Variants in COL11A1 observed in about 807,000 individuals in gnomAD.
COL11A1 encodes the protein collagen type XI alpha 1 chain, also known as collagen alpha-1(XI) chain.
In COL11A1, 74 loss-of-function variants were observed where a neutral mutation model predicts 265.2. That is an observed-to-expected ratio of 0.28 (90% CI 0.23 to 0.34). COL11A1 has a LOEUF of 0.34. COL11A1 is among the 10% of genes least tolerant of loss of function. The pLI is 1.00. For missense variants in COL11A1, 2,165 were observed against 2,263.6 expected, an observed-to-expected ratio of 0.96 and a Z score of 0.88; for synonymous variants, 816 against 727.6, an observed-to-expected ratio of 1.12 and a Z score of -1.96.
intron 4 of COL11A1, among the ~76,000 whole-genome samples, chr1:103,051,852 AT>A (rs1409249648): frequency 3.3e-5 from 5 of 152,218 alleles, no homozygotes; most frequent in African/African-American, 4.8e-5. Flanking sequence ...TGGTGAAATG[AT>A]TCTTTGGCTC....
At chr1:102,914,527 C>T (rs1429793371) in intron 51 of COL11A1, 122 bp from the exon 52 acceptor site, 17 of 1,088,666 alleles carry the variant, frequency 1.6e-5, no homozygotes, top group Non-Finnish European at 2.3e-5. Context: ...TTCTCTTCTC[C>T]CGCCAAAAAA....
rs2101890546 is a variant in COL11A1 at position 103,012,430 on chromosome 1, C to T, written c.1612G>A (p.Gly538Arg). 6.2e-7 allele frequency: 1 copy of T among 1,613,432 alleles called. No individual in the cohort carries two copies. Among genetic ancestry groups the T allele is most frequent in the Non-Finnish European group, 8.5e-7 (1 of 1,179,538 alleles). The change falls in exon 14 of 67, where the codon GGA becomes AGA. Residue 538 changes from glycine (G) to arginine (R), a missense_variant. Transcript: ENST00000370096. ...RGPPGPMGLT[G>R]RPGPVGGPGS... ...TAACCTACCACAGGACCTGGTCTTCCAGTTAGACCCATTGGGCCAGGTGGG... is the reference window on the plus strand; with the variant it reads ...TAACCTACCACAGGACCTGGTCTTCTAGTTAGACCCATTGGGCCAGGTGGG...
intron 3 of COL11A1, among the ~76,000 whole-genome samples, chr1:103,075,686 T>C (rs2102286987): frequency 6.6e-6 from 1 of 151,302 alleles, no homozygotes; most frequent in South Asian, 2.1e-4. Flanking sequence ...GTTTATATTT[T>C]ATTTTTTTTC....
chr1:103,002,640 A>G, intron 22 of COL11A1, 107 bp downstream of exon 22: 2 of 1,171,856 alleles, frequency 1.7e-6, no homozygotes, highest in South Asian at 2.5e-5. Flanking sequence ...TATCTAATAT[A>G]CTTAGCAAAA....
chr1:103,099,245 A>G (rs1462499191), intron 1 of COL11A1, among the ~76,000 whole-genome samples: 1 of 151,738 alleles, frequency 6.6e-6, no homozygotes, highest in Non-Finnish European at 1.5e-5. Flanking sequence ...CTATATTCCA[A>G]AAGAATTTTA....
intron 1 of COL11A1, among the ~76,000 whole-genome samples, chr1:103,092,153 T>G (rs1673375378): frequency 6.6e-6 from 1 of 152,236 alleles, no homozygotes; most frequent in South Asian, 2.1e-4. Flanking sequence ...GTTGCCTATT[T>G]ATAATTCTAA....
intron 41 of COL11A1, among the ~76,000 whole-genome samples, chr1:102,949,394 T>A (rs1167135243): frequency 5.3e-5 from 8 of 150,932 alleles, no homozygotes; most frequent in Admixed American, 5.2e-4. Flanking sequence ...GAGGTGCGAT[T>A]TTAATTTGTC....
At chr1:102,941,549 G>A (rs1658724349) in intron 42 of COL11A1, among the ~76,000 whole-genome samples, 1 of 152,098 alleles carries the variant, frequency 6.6e-6, no homozygotes, top group African/African-American at 2.4e-5. Context: ...AACCCTTCTA[G>A]ACATTTTTCT....
At chr1:102,987,338 T>C (rs541734776) in intron 30 of COL11A1, among the ~76,000 whole-genome samples, 3 of 150,886 alleles carry the variant, frequency 2.0e-5, no homozygotes, top group African/African-American at 7.2e-5. Context: ...TTAGTGTATA[T>C]AATGTGATAA....
chr1:103,020,362 T>A (rs1222678072), intron 9 of COL11A1, among the ~76,000 whole-genome samples: 9 of 139,948 alleles, frequency 6.4e-5, no homozygotes, highest in African/African-American at 2.2e-4. Flanking sequence ...TTTTTTCATG[T>A]GTTTTTTGGC....
Position 102,940,392 on chromosome 1 carries a change from G to C in COL11A1, c.3319C>G (p.Gln1107Glu), listed in dbSNP as rs1011001694. Reference protein sequence around the residue: ...PQGPAGRDGVQGPVGLPGPAG... With the variant: ...PQGPAGRDGVEGPVGLPGPAG... ...GGCCCTGGGAGACCAACAGGACCTT[G>C]AACTCCATCTCTCCCTGCAGGCCCT... is the stretch of plus-strand genomic sequence containing the variant. The change falls in exon 43 of 67, where the codon CAA (glutamine) becomes GAA (glutamate). Residue 1107 changes from glutamine (Q) to glutamate (E), a missense_variant. Coordinates refer to ENST00000370096, the MANE Select transcript of COL11A1 (RefSeq NM_001854.4). The C allele has an allele frequency of 3.7e-6, 6 of 1,614,002 alleles. No homozygotes were observed. Among genetic ancestry groups the C allele is most frequent in the Non-Finnish European group, 5.1e-6 (6 of 1,179,984 alleles).
chr1:102,962,521 A>G lies in COL11A1; in HGVS notation c.3024+132T>C, dbSNP rs1273404456. ...GTTGAGCAATATCTTGGAGTACAAT[A>G]AACGCACATTAAATATTTTCCTGAC... On this transcript the variant is annotated intron_variant, in intron 39 of 66. Coordinates refer to ENST00000370096, the MANE Select transcript of COL11A1 (RefSeq NM_001854.4). The G allele has an allele frequency of 3.5e-6, 3 of 858,882 alleles. No homozygotes were observed. In the South Asian group the frequency reaches 4.3e-5, roughly 12 times the overall value. The allele number at this position is 858,882 out of a possible 1,614,324, so 53.2% of individuals were successfully genotyped here. A position where few individuals can be genotyped will look rare whatever the true frequency, so the allele number is the denominator to read the frequency against.
chr1:103,005,919 CA>C, intron 17 of COL11A1, 28 bp from the exon 18 acceptor site: 1 of 1,613,938 alleles, frequency 6.2e-7, no homozygotes, highest in Non-Finnish European at 8.5e-7. Context: ...TCATCATCAT[CA>C]TCATCATCAT....
chr1:103,020,056 C>A (rs1383259629), intron 9 of COL11A1, among the ~76,000 whole-genome samples: 3 of 150,750 alleles, frequency 2.0e-5, no homozygotes, highest in Non-Finnish European at 4.4e-5. Context: ...CATACATGTG[C>A]ATGTATCTTT....
chr1:103,033,893 T>G (rs974951946), intron 4 of COL11A1, among the ~76,000 whole-genome samples: 1 of 152,114 alleles, frequency 6.6e-6, no homozygotes. Flanking sequence ...TTCAGCCTCC[T>G]AATTAGCTGG....
chr1:103,056,982 G>A (rs1381877037), intron 4 of COL11A1, among the ~76,000 whole-genome samples: 1 of 152,142 alleles, frequency 6.6e-6, no homozygotes, highest in Non-Finnish European at 1.5e-5. Context: ...TTAGGGTGGT[G>A]GTTGCTGAGG....
intron 5 of COL11A1, among the ~76,000 whole-genome samples, chr1:103,029,530 A>G (rs1264771291): frequency 6.6e-6 from 1 of 152,036 alleles, no homozygotes; most frequent in Non-Finnish European, 1.5e-5. Context: ...TTAGAGTTAG[A>G]GAAAAAAGGG....
intron 28 of COL11A1, among the ~76,000 whole-genome samples, chr1:102,995,163 C>T (rs1664506116): frequency 6.6e-6 from 1 of 152,092 alleles, no homozygotes. Flanking sequence ...TGAGTAATGT[C>T]ATTCCCTTTG....
chr1:103,036,298 C>A (rs756824367), intron 4 of COL11A1, among the ~76,000 whole-genome samples: 1 of 138,508 alleles, frequency 7.2e-6, no homozygotes, highest in Non-Finnish European at 1.5e-5. Context: ...GAATCTATTG[C>A]TGAAAAACAA....
Sources: allele counts gnomAD v4.1 joint callset (sites outside exome capture counted in the v4.1 genomes callset), GRCh38; gene constraint gnomAD v4.1.1; transcripts MANE v1.5; gene names NCBI Gene and HGNC (gene_info 2026-07-23, HGNC 2026-07-21).